The following GALNT2 variants were observed in gnomAD, a reference collection of about 807,000 sequenced individuals.
GALNT2 encodes the protein polypeptide N-acetylgalactosaminyltransferase 2, also known as UDP-GalNAc:polypeptide N-acetylgalactosaminyltransferase 2.
Under a neutral mutation model 81.4 loss-of-function variants are expected in GALNT2, and 31 were observed. The ratio of observed to expected loss-of-function variants is 0.38; its 90% CI spans 0.29 to 0.51. The LOEUF is 0.51. Ranked by LOEUF, GALNT2 falls within the 20% of genes least tolerant of loss-of-function variation. The pLI, the probability that GALNT2 is intolerant of heterozygous loss-of-function variation, is 0.87. For missense variants in GALNT2, 629 were observed against 765.7 expected, an observed-to-expected ratio of 0.82 and a Z score of 2.11; for synonymous variants, 303 against 287.4, an observed-to-expected ratio of 1.05 and a Z score of -0.55.
chr1:230,246,145 A>C lies in GALNT2; in HGVS notation c.812A>C (p.Lys271Thr). The change falls in exon 8 of 16, where the codon AAG becomes ACG. Residue 271 changes from lysine (K) to threonine (T), a missense_variant. Lys to Thr is a moderately conservative substitution (Grantham distance 78). This residue lies in a region of GALNT2 where 360 missense variants were observed against 492.8 expected (regional missense o/e 0.73). Transcript: ENST00000366672. ...FQYVGASADL[K>T]GGFDWNLVFK... The stretch of plus-strand genomic sequence containing the variant: ...TATGTGGGGGCATCTGCTGACTTGA[A>C]GGGCGGTAGGTGTCTGTCATGGTGC... The C allele has an allele frequency of 1.2e-6, 2 of 1,613,264 alleles. No individual in the cohort carries two copies. The highest frequency in any genetic ancestry group is 1.7e-6 in the Non-Finnish European group (2 of 1,179,238).
chr1:230,278,699 A>G (rs1666359966), intron 15 of GALNT2, among the ~76,000 whole-genome samples: 1 of 152,214 alleles, frequency 6.6e-6, no homozygotes, highest in Admixed American at 6.5e-5. Context: ...AGGAGCTTGC[A>G]CACCAGTAGA....
At chr1:230,167,781 C>T (rs1488396074) in intron 1 of GALNT2, among the ~76,000 whole-genome samples, 2 of 152,204 alleles carry the variant, frequency 1.3e-5, no homozygotes, top group Non-Finnish European at 2.9e-5. Flanking sequence ...CTGCCTCCTG[C>T]TGGCCTCCCT....
chr1:230,082,460 T>C (rs1247501905), intron 1 of GALNT2, among the ~76,000 whole-genome samples: 1 of 152,252 alleles, frequency 6.6e-6, no homozygotes, highest in Non-Finnish European at 1.5e-5. Context: ...GCTGGTCATC[T>C]CTTCCTAGGG....
At chr1:230,145,686 G>A (rs1339865093) in intron 1 of GALNT2, among the ~76,000 whole-genome samples, 2 of 152,208 alleles carry the variant, frequency 1.3e-5, no homozygotes, top group Non-Finnish European at 1.5e-5. Flanking sequence ...GCCTTGCCCC[G>A]TGTGGTGCCT....
intron 11 of GALNT2, among the ~76,000 whole-genome samples, chr1:230,260,445 T>C (rs752505422): frequency 1.8e-4 from 28 of 152,156 alleles, no homozygotes; most frequent in Non-Finnish European, 3.5e-4. Flanking sequence ...AGAGTTGCTT[T>C]GCGTTTAGGA....
chr1:230,126,625 C>T (rs1224699181), intron 1 of GALNT2, among the ~76,000 whole-genome samples: 1 of 152,182 alleles, frequency 6.6e-6, no homozygotes, highest in Non-Finnish European at 1.5e-5. Flanking sequence ...GCCTCACTCA[C>T]GTACCTCAGT....
chr1:230,250,092 C>T (rs1572137262), intron 9 of GALNT2, among the ~76,000 whole-genome samples: 1 of 152,170 alleles, frequency 6.6e-6, no homozygotes, highest in African/African-American at 2.4e-5. Flanking sequence ...TGATTTTTTG[C>T]AATCCTCGTA....
chr1:230,173,377 A>G (rs913960164), intron 1 of GALNT2, among the ~76,000 whole-genome samples: 2 of 152,154 alleles, frequency 1.3e-5, no homozygotes, highest in African/African-American at 4.8e-5. Flanking sequence ...GGAATGCAGT[A>G]TTTGGTCAGA....
intron 1 of GALNT2, among the ~76,000 whole-genome samples, chr1:230,103,683 A>G (rs1660462148): frequency 6.6e-6 from 1 of 151,996 alleles, no homozygotes; most frequent in Non-Finnish European, 1.5e-5. Flanking sequence ...AAAAACAGAA[A>G]ATGAAAGAAC....
intron 1 of GALNT2, among the ~76,000 whole-genome samples, chr1:230,144,833 G>A (rs891164948): frequency 2.0e-4 from 31 of 152,196 alleles, no homozygotes; most frequent in Admixed American, 1.1e-3. Context: ...TAAAAAGCCT[G>A]GGAGTAGGTG....
intron 1 of GALNT2, among the ~76,000 whole-genome samples, chr1:230,129,428 C>T (rs1486748777): frequency 2.0e-5 from 3 of 152,248 alleles, no homozygotes; most frequent in Non-Finnish European, 4.4e-5. Flanking sequence ...AGTGATCCTC[C>T]CTCCTCAGCC....
intron 3 of GALNT2, among the ~76,000 whole-genome samples, chr1:230,231,276 T>C (rs1664857724): frequency 1.3e-5 from 2 of 152,222 alleles, no homozygotes; most frequent in Non-Finnish European, 2.9e-5. Flanking sequence ...TTATTTGGTG[T>C]TCCCAATAAT....
intron 1 of GALNT2, among the ~76,000 whole-genome samples, chr1:230,145,112 C>T (rs1306305033): frequency 1.3e-5 from 2 of 150,932 alleles, no homozygotes; most frequent in East Asian, 3.9e-4. Flanking sequence ...TCTCACTCAT[C>T]CCGTTACACT....
intron 2 of GALNT2, among the ~76,000 whole-genome samples, chr1:230,189,059 T>G (rs1572065464): frequency 6.6e-6 from 1 of 152,070 alleles, no homozygotes; most frequent in Non-Finnish European, 1.5e-5. Flanking sequence ...AAGGCCGAGG[T>G]CTGCCTCTGA....
chr1:230,109,467 G>T (rs1399020464), intron 1 of GALNT2, among the ~76,000 whole-genome samples: 3 of 152,242 alleles, frequency 2.0e-5, no homozygotes, highest in African/African-American at 7.2e-5. Context: ...TAATGACCTG[G>T]AAAGACTGGA....
At chr1:230,108,276 A>G (rs1001839060) in intron 1 of GALNT2, among the ~76,000 whole-genome samples, 1 of 152,210 alleles carries the variant, frequency 6.6e-6, no homozygotes, top group African/African-American at 2.4e-5. Flanking sequence ...TCATGTTTTG[A>G]AGATGATACA....
intron 14 of GALNT2, among the ~76,000 whole-genome samples, chr1:230,272,817 A>G (rs1666190008): frequency 6.6e-6 from 1 of 152,134 alleles, no homozygotes; most frequent in Non-Finnish European, 1.5e-5. Context: ...CACCCAGGCT[A>G]GAATGCAGTG....
In GALNT2 at chr1:230,167,092, C is replaced by T. The variant is rs1256412732; in HGVS notation, c.127-11126C>T. On this transcript the variant is annotated intron_variant, in intron 1 of 15. Transcript: ENST00000366672. ...GCTCTTTGCATATCATTCTGAGACT[C>T]TTTTTTTTTTTTCTTGGAGATGCTC... Among the ~76,000 whole-genome samples the T allele has an allele frequency of 7.5e-5, 11 of 147,290 alleles. No homozygotes were observed. The South Asian group carries it at 2.1e-3, about 29-fold the overall frequency.
At chr1:230,075,319 T>C (rs1271380403) in intron 1 of GALNT2, among the ~76,000 whole-genome samples, 2 of 151,756 alleles carry the variant, frequency 1.3e-5, no homozygotes, top group Non-Finnish European at 2.9e-5. Context: ...AGAGACAGGG[T>C]TTCACCACCC....
Sources: gnomAD v4.1 joint callset for allele counts (sites outside exome capture counted in the v4.1 genomes callset) on GRCh38, gnomAD v4.1.1 for gene constraint, gnomAD v4.1.1 regional missense constraint, MANE v1.5 for transcripts, NCBI Gene and HGNC (gene_info 2026-07-23, HGNC 2026-07-21) for gene names.